Variants in SLC7A9 observed in about 807,000 individuals in gnomAD.
SLC7A9 encodes B(0,+)-type amino acid transporter 1.
A neutral mutation model predicts 54.1 loss-of-function variants in SLC7A9; 38 were observed. That is an observed-to-expected ratio of 0.70 (90% CI 0.54 to 0.92). SLC7A9 has a LOEUF of 0.92. Among genes scored for constraint, SLC7A9 ranks in the 40% least tolerant of loss-of-function variants. The probability of loss-of-function intolerance (pLI) is 0.00; values close to 1 mark genes in which losing one functional copy is unlikely to be tolerated. For synonymous variants in SLC7A9, 264 were observed against 258.9 expected (o/e 1.02, Z -0.19); for missense variants, 537 against 636.1 (o/e 0.84, Z 1.68).
At chr19:32,852,905 C>CTTTTTTTTTTTTTTTTTTTTTTTTTTTT (rs56119122) in intron 9 of SLC7A9, among the ~76,000 whole-genome samples, 1 of 97,594 alleles carries the variant, frequency 1.0e-5, no homozygotes. Context: ...AAGCTATAAA[C>CTTTTTTTTTTTTTTTTTTTTTTTTTTTT]TTTTTTTTTT....
intron 12 of SLC7A9, chr19:32,832,930 C>T: frequency 3.5e-6 from 2 of 568,354 alleles, no homozygotes. Context: ...GAAAATGGTG[C>T]TTTCCCTTCC....
intron 1 of SLC7A9, among the ~76,000 whole-genome samples, 187 bp downstream of exon 1, chr19:32,869,499 A>T (rs1969074969): frequency 6.6e-6 from 1 of 152,176 alleles, no homozygotes; most frequent in African/African-American, 2.4e-5. Context: ...GGGGTGAGCC[A>T]CCACGCCTGG....
intron 12 of SLC7A9, among the ~76,000 whole-genome samples, chr19:32,831,629 T>C (rs776329319): frequency 6.6e-6 from 1 of 152,218 alleles, no homozygotes; most frequent in African/African-American, 2.4e-5. Context: ...TCTCTTTTGA[T>C]GTACTTTGAC....
intron 8 of SLC7A9, among the ~76,000 whole-genome samples, chr19:32,858,830 C>T (rs1968709820): frequency 1.4e-5 from 2 of 146,732 alleles, no homozygotes; most frequent in East Asian, 2.2e-4. Context: ...CTCTTATTGC[C>T]CAGGCTGGAG....
At chr19:32,830,808 C>T (rs1281570509) in intron 12 of SLC7A9, 124 bp from the exon 13 acceptor site, 2 of 726,712 alleles carry the variant, frequency 2.8e-6, no homozygotes, top group South Asian at 1.5e-5. Flanking sequence ...AGACCCTGTG[C>T]TCAGGATGGC....
At chr19:32,858,610 A>C in intron 8 of SLC7A9, 67 bp from the exon 9 acceptor site, 1 of 1,324,456 alleles carries the variant, frequency 7.6e-7, no homozygotes. Context: ...GGCCCCCAAA[A>C]GCTATTCTGG....
In SLC7A9 at chr19:32,844,085, CT is replaced by C. The variant is rs1366202468; in HGVS notation, c.978-135del. ...GAAGGGAGCTGAGCAGGGACCTGAG[CT>C]TCAGATGGGGGTCTGTCTTCGGGAG... is the stretch of plus-strand genomic sequence containing the variant. On this transcript the variant is annotated intron_variant, in intron 9 of 12. Transcript: ENST00000023064. 7.0e-6 allele frequency: 5 copies of C among 710,848 alleles called. No homozygotes were observed. In the African/African-American group the frequency reaches 8.7e-5, roughly 12 times the overall value. 44.0% of individuals were successfully genotyped at this position (710,848 alleles called of 1,614,324 possible).
chr19:32,862,483 G>A lies in SLC7A9; in HGVS notation c.582C>T (p.Ser194=), dbSNP rs138846213. 2.7e-5 allele frequency: 43 copies of A among 1,613,044 alleles called. No individual in the cohort carries two copies. Among genetic ancestry groups the A allele is most frequent in the African/African-American group, 9.4e-5 (7 of 74,848 alleles). The part of the protein sequence containing the change: ...KLVIVAIIII[S]GLVLLAQGNT... Reference sequence around the variant, plus strand: ...CACCTTGGGCCAGGAGCACCAGCCCGCTGATGATGATGATGGCCACGATCA... The same window carrying A: ...CACCTTGGGCCAGGAGCACCAGCCCACTGATGATGATGATGGCCACGATCA... Residue 194 remains serine, a synonymous_variant, in exon 5 of 13, where the codon AGC becomes AGT. Transcript: ENST00000023064.
At chr19:32,847,065 A>G (rs1968319412) in intron 9 of SLC7A9, among the ~76,000 whole-genome samples, 1 of 152,224 alleles carries the variant, frequency 6.6e-6, no homozygotes, top group Non-Finnish European at 1.5e-5. Context: ...CCAAAAGTAG[A>G]TAAACCACAA....
chr19:32,865,911 A>G (rs1296647646), intron 2 of SLC7A9, among the ~76,000 whole-genome samples: 1 of 149,686 alleles, frequency 6.7e-6, no homozygotes, highest in East Asian at 2.0e-4. Context: ...CAGAGGTTGC[A>G]GTGAGCCACT....
chr19:32,862,855 A>G, intron 4 of SLC7A9: 1 of 227,016 alleles, frequency 4.4e-6, no homozygotes. Flanking sequence ...TATTTTTAGT[A>G]GAGAGCTTGT....
chr19:32,832,587 CAAA>C (rs746136682), intron 12 of SLC7A9, among the ~76,000 whole-genome samples: 6 of 91,458 alleles, frequency 6.6e-5, no homozygotes, highest in Admixed American at 1.2e-4. Context: ...GACTGTGTCT[CAAA>C]AAAAAAAAAA....
intron 4 of SLC7A9, among the ~76,000 whole-genome samples, chr19:32,863,545 A>T (rs1968869493): frequency 6.6e-6 from 1 of 151,858 alleles, no homozygotes; most frequent in African/African-American, 2.4e-5. Flanking sequence ...TTGTTTGTAG[A>T]GTCAAGGTTC....
chr19:32,830,795 C>T (rs1967759981), intron 12 of SLC7A9, 111 bp from the exon 13 acceptor site: 1 of 810,206 alleles, frequency 1.2e-6, no homozygotes. Context: ...TGATGCGTCA[C>T]CTAGACCCTG....
chr19:32,839,552 CAAA>C (rs913100576), intron 11 of SLC7A9, among the ~76,000 whole-genome samples: 5 of 82,812 alleles, frequency 6.0e-5, no homozygotes, highest in South Asian at 4.3e-4. Flanking sequence ...CACTCCGTCT[CAAA>C]AAAAAAAAAA....
chr19:32,863,629 G>A lies in SLC7A9; in HGVS notation c.478+467C>T, dbSNP rs535788224. 3.3e-5 allele frequency among the ~76,000 whole-genome samples: 5 copies of A among 152,288 alleles called. No homozygotes were observed. In the South Asian group the frequency reaches 8.3e-4, roughly 25 times the overall value. On this transcript the variant is annotated intron_variant, in intron 4 of 12. Coordinates refer to ENST00000023064, the MANE Select transcript of SLC7A9 (RefSeq NM_014270.5). ...TCCCACCTCAGCCTCCCAAAGTGGT[G>A]AGATTCCAAGCATGAGCCACTGCCT...
In SLC7A9 at chr19:32,840,195, C is replaced by T. The variant is rs894176390; in HGVS notation, c.1224+1973G>A. ...CTTTCTTTTCTTTTTTTCTTTGCAA[C>T]GGGGTCCCTCTCTGTTGCCCAGGCT... On this transcript the variant is annotated intron_variant, in intron 11 of 12. Coordinates refer to ENST00000023064, the MANE Select transcript of SLC7A9 (RefSeq NM_014270.5). Among the ~76,000 whole-genome samples the T allele has an allele frequency of 3.3e-5, 5 of 151,944 alleles. 1 individual carries two copies. In the East Asian group the frequency reaches 9.6e-4, roughly 29 times the overall value.
intron 2 of SLC7A9, among the ~76,000 whole-genome samples, chr19:32,867,115 G>C (rs1380657959): frequency 2.6e-5 from 4 of 152,220 alleles, no homozygotes; most frequent in Non-Finnish European, 5.9e-5. Flanking sequence ...ATGCCTCTAA[G>C]ACAGAACAGG....
intron 2 of SLC7A9, among the ~76,000 whole-genome samples, chr19:32,867,407 C>G (rs560577113): frequency 6.6e-6 from 1 of 152,242 alleles, no homozygotes; most frequent in Non-Finnish European, 1.5e-5. Context: ...GTCCCAGCTA[C>G]TCAGGAGGCT....
Sources: allele counts gnomAD v4.1 joint callset (sites outside exome capture counted in the v4.1 genomes callset), GRCh38; gene constraint gnomAD v4.1.1; transcripts MANE v1.5; gene names NCBI Gene and HGNC (gene_info 2026-07-23, HGNC 2026-07-21).